AUTS2: variants seen among roughly 807,000 people sequenced by gnomAD.
AUTS2 encodes activator of transcription and developmental regulator AUTS2.
AUTS2 carries 17 observed loss-of-function variants against 112.4 expected under a neutral mutation model. The observed-to-expected ratio is 0.15, with a 90% CI of 0.10 to 0.23. AUTS2 has a LOEUF of 0.23. AUTS2 is among the 10% of genes least tolerant of loss of function. The probability of loss-of-function intolerance (pLI) is 1.00; values close to 1 mark genes in which losing one functional copy is unlikely to be tolerated. For synonymous variants in AUTS2, 751 were observed against 702.7 expected (o/e 1.07, Z -1.09); for missense variants, 1,510 against 1,701.6 (o/e 0.89, Z 1.98).
chr7:69,989,506 A>G (rs2129551261), intron 2 of AUTS2, among the ~76,000 whole-genome samples: 1 of 150,552 alleles, frequency 6.6e-6, no homozygotes, highest in African/African-American at 2.5e-5. Context: ...CGTAATAAAT[A>G]TTTGGTGTGT....
At chr7:69,672,136 T>C (rs10452705) in intron 1 of AUTS2, among the ~76,000 whole-genome samples, 14,771 of 151,988 alleles carry the variant, frequency 0.097, 1,135 homozygotes, top group African/African-American at 0.21. Flanking sequence ...CTCAGCTCAC[T>C]GCAACCTCCG....
At chr7:70,082,456 T>C (rs1331458241) in intron 2 of AUTS2, among the ~76,000 whole-genome samples, 1 of 152,204 alleles carries the variant, frequency 6.6e-6, no homozygotes, top group Non-Finnish European at 1.5e-5. Context: ...TATTTATAGA[T>C]ACAGCTGGAC....
chr7:70,771,464 G>C, intron 10 of AUTS2, 85 bp from the exon 11 acceptor site: 2 of 1,155,126 alleles, frequency 1.7e-6, no homozygotes, highest in South Asian at 1.5e-5. Context: ...TGCTCATGTC[G>C]ATGTCTTTCT....
chr7:69,643,559 C>T (rs1037891536), intron 1 of AUTS2, among the ~76,000 whole-genome samples: 4 of 152,062 alleles, frequency 2.6e-5, no homozygotes, highest in African/African-American at 9.7e-5. Flanking sequence ...TTGTACCATG[C>T]CCTTGTTTTA....
intron 4 of AUTS2, among the ~76,000 whole-genome samples, chr7:70,361,206 G>A (rs1792245807): frequency 6.6e-6 from 1 of 152,064 alleles, no homozygotes; most frequent in Admixed American, 6.6e-5. Context: ...GGTGGCGGAC[G>A]CCCGTAGTCC....
intron 5 of AUTS2, among the ~76,000 whole-genome samples, chr7:70,493,345 G>A (rs1798323718): frequency 6.6e-6 from 1 of 152,230 alleles, no homozygotes; most frequent in Non-Finnish European, 1.5e-5. Flanking sequence ...TTGATGGAAT[G>A]CATGTACCAA....
At chr7:70,171,966 A>G (rs1447269308) in intron 4 of AUTS2, among the ~76,000 whole-genome samples, 1 of 151,732 alleles carries the variant, frequency 6.6e-6, no homozygotes, top group Admixed American at 6.6e-5. Context: ...ACGAAGGACT[A>G]CATTTCTTTC....
At chr7:70,054,860 T>A (rs554113696) in intron 2 of AUTS2, among the ~76,000 whole-genome samples, 1 of 152,234 alleles carries the variant, frequency 6.6e-6, no homozygotes, top group South Asian at 2.1e-4. Context: ...TCCTCTCCAG[T>A]CTTTCTTCTA....
intron 4 of AUTS2, among the ~76,000 whole-genome samples, chr7:70,181,247 A>G (rs1421797965): frequency 1.3e-5 from 2 of 152,186 alleles, no homozygotes; most frequent in East Asian, 3.8e-4. Context: ...GTTTCTGTGA[A>G]CATGCTTGTA....
intron 3 of AUTS2, among the ~76,000 whole-genome samples, chr7:70,128,236 C>T (rs562790463): frequency 1.3e-5 from 2 of 152,278 alleles, no homozygotes; most frequent in Admixed American, 1.3e-4. Context: ...ATTTCAGTTG[C>T]CAAGAAATGT....
chr7:70,506,753 G>A (rs1252684843), intron 5 of AUTS2, among the ~76,000 whole-genome samples: 1 of 152,220 alleles, frequency 6.6e-6, no homozygotes, highest in Non-Finnish European at 1.5e-5. Flanking sequence ...TCAAATGTAA[G>A]CGTCTAACAG....
In AUTS2 at chr7:70,174,447, A is replaced by G. The variant is rs78113403; in HGVS notation, c.660+39876A>G. The stretch of plus-strand genomic sequence containing the variant: ...CTGTGGCATGTTACCCAGAAGATCT[A>G]GCTAAGATCATTGATAAAGGTGGCC... On this transcript the variant is annotated intron_variant, in intron 4 of 18. Transcript: ENST00000342771. Among the ~76,000 whole-genome samples, 442 of 152,322 alleles carry G rather than the reference A, an allele frequency of 2.9e-3. 5 individuals are homozygous for G. Among genetic ancestry groups the G allele is most frequent in the African/African-American group, 0.01 (428 of 41,574 alleles).
chr7:70,570,143 G>A (rs1801875939), intron 5 of AUTS2, among the ~76,000 whole-genome samples: 1 of 152,212 alleles, frequency 6.6e-6, no homozygotes, highest in Non-Finnish European at 1.5e-5. Flanking sequence ...GCCAGTTTGA[G>A]TGCTCTGGCC....
At chr7:70,647,440 G>T (rs1261044115) in intron 5 of AUTS2, among the ~76,000 whole-genome samples, 1 of 152,210 alleles carries the variant, frequency 6.6e-6, no homozygotes, top group Non-Finnish European at 1.5e-5. Flanking sequence ...CTGAGTCCCT[G>T]TGAGGAGTGG....
chr7:70,702,606 G>A (rs1316812780), intron 6 of AUTS2, among the ~76,000 whole-genome samples: 2 of 152,170 alleles, frequency 1.3e-5, no homozygotes, highest in Non-Finnish European at 2.9e-5. Context: ...CCTCCAGCAG[G>A]GAATGAGGCC....
intron 6 of AUTS2, among the ~76,000 whole-genome samples, chr7:70,726,673 G>A (rs1422750222): frequency 6.6e-6 from 1 of 152,128 alleles, no homozygotes; most frequent in Non-Finnish European, 1.5e-5. Context: ...GAAATCCCAA[G>A]ACCCTGTCCA....
chr7:70,677,385 C>T (rs2129544762), intron 5 of AUTS2, among the ~76,000 whole-genome samples: 1 of 152,322 alleles, frequency 6.6e-6, no homozygotes, highest in South Asian at 2.1e-4. Flanking sequence ...TCGTCCCAAG[C>T]AAAGTCTCTA....
intron 5 of AUTS2, among the ~76,000 whole-genome samples, chr7:70,472,346 T>G (rs1585185806): frequency 6.7e-6 from 1 of 148,554 alleles, no homozygotes; most frequent in Non-Finnish European, 1.5e-5. Flanking sequence ...GTTTGGGTTT[T>G]GGGGCTTCTG....
Position 69,798,664 on chromosome 7 carries a change from G to A in AUTS2, c.310-100622G>A, listed in dbSNP as rs150190085. Among the ~76,000 whole-genome samples the A allele has an allele frequency of 4.7e-3, 719 of 152,186 alleles. 8 individuals carry two copies. Among genetic ancestry groups the A allele is most frequent in the African/African-American group, 0.017 (694 of 41,492 alleles). ...ATTAGTGGGGATATAAATTATTATT[G>A]GTATTACGGAAATTAGTACGGAAGT... On this transcript the variant is annotated intron_variant, in intron 1 of 18. Coordinates refer to ENST00000342771, the MANE Select transcript of AUTS2 (RefSeq NM_015570.4).
Sources: gnomAD v4.1 joint callset for allele counts (sites outside exome capture counted in the v4.1 genomes callset) on GRCh38, gnomAD v4.1.1 for gene constraint, MANE v1.5 for transcripts, NCBI Gene and HGNC (gene_info 2026-07-23, HGNC 2026-07-21) for gene names.